Variants in COMMD10 observed in about 807,000 individuals in gnomAD.
COMMD10 encodes the protein COMM domain-containing protein 10.
In COMMD10, 33 loss-of-function variants were observed where a neutral mutation model predicts 28.9. That is an observed-to-expected ratio of 1.14 (90% confidence interval 0.87 to 1.53). COMMD10 has a LOEUF of 1.53. Ranked by LOEUF, COMMD10 falls within the 40% of genes most tolerant of loss-of-function variation. The pLI, the probability that COMMD10 is intolerant of heterozygous loss-of-function variation, is 0.00. For synonymous variants in COMMD10, 110 were observed against 81.7 expected, an observed-to-expected ratio of 1.35 and a Z score of -1.87; for missense variants, 310 against 233.4, an observed-to-expected ratio of 1.33 and a Z score of -2.14.
At chr5:116,247,038 C>G (rs926465776) in intron 5 of COMMD10, among the ~76,000 whole-genome samples, 1 of 150,726 alleles carries the variant, frequency 6.6e-6, no homozygotes, top group South Asian at 2.1e-4. Context: ...AACAGAGAAC[C>G]TAAAGAATGG....
chr5:116,212,900 G>GT (rs1008519430), intron 5 of COMMD10, among the ~76,000 whole-genome samples: 10 of 151,962 alleles, frequency 6.6e-5, no homozygotes, highest in Non-Finnish European at 1.2e-4. Flanking sequence ...ATGTCATGTG[G>GT]TTTTTTGGGT....
intron 5 of COMMD10, among the ~76,000 whole-genome samples, chr5:116,193,138 A>G (rs966590252): frequency 6.6e-6 from 1 of 152,210 alleles, no homozygotes; most frequent in Admixed American, 6.5e-5. Context: ...CCAAGCCACC[A>G]CTACAGGAAC....
At chr5:116,245,282 C>G (rs1236075035) in intron 5 of COMMD10, among the ~76,000 whole-genome samples, 2 of 152,008 alleles carry the variant, frequency 1.3e-5, no homozygotes, top group Non-Finnish European at 2.9e-5. Context: ...GCTACCCTCC[C>G]AAGAGTGAAC....
intron 4 of COMMD10, among the ~76,000 whole-genome samples, chr5:116,128,492 A>G (rs954471287): frequency 6.6e-6 from 1 of 151,682 alleles, no homozygotes; most frequent in East Asian, 1.9e-4. Flanking sequence ...TGATGTACAC[A>G]GGATAGTTTT....
chr5:116,147,563 A>G (rs775784650), intron 5 of COMMD10, among the ~76,000 whole-genome samples: 2 of 151,868 alleles, frequency 1.3e-5, no homozygotes, highest in Non-Finnish European at 2.9e-5. Context: ...ATAGTCAGTA[A>G]CTGCTATTAT....
At chr5:116,124,675 A>C (rs984151590) in intron 4 of COMMD10, among the ~76,000 whole-genome samples, 1 of 152,154 alleles carries the variant, frequency 6.6e-6, no homozygotes, top group Non-Finnish European at 1.5e-5. Flanking sequence ...GGGGTGTTAA[A>C]GTCTCCCATT....
At position 116,292,720 on chromosome 5, in the gene COMMD10, T is replaced by A; in HGVS notation, c.*231T>A. ...GCCAACAGTAATTATTAAGAACACT[T>A]TCCCTTTAAAGGAAACAAAAGTGAA... On this transcript the variant is annotated 3_prime_UTR_variant, in exon 7 of 7. Coordinates refer to ENST00000274458, the MANE Select transcript of COMMD10 (RefSeq NM_016144.4). The A allele has an allele frequency of 2.4e-6, 1 of 418,096 alleles. No homozygotes were observed. 25.9% of individuals were successfully genotyped at this position (418,096 alleles called of 1,614,324 possible).
At chr5:116,108,202 A>G (rs1406643160) in intron 4 of COMMD10, among the ~76,000 whole-genome samples, 2 of 152,176 alleles carry the variant, frequency 1.3e-5, no homozygotes, top group Admixed American at 6.5e-5. Context: ...CTTGAATGCT[A>G]TGCTGGGAGA....
At chr5:116,233,915 A>G (rs114344952) in intron 5 of COMMD10, among the ~76,000 whole-genome samples, 22 of 152,282 alleles carry the variant, frequency 1.4e-4, no homozygotes, top group African/African-American at 5.3e-4. Flanking sequence ...CAAACCTCAA[A>G]ATGTTGAGAG....
intron 5 of COMMD10, among the ~76,000 whole-genome samples, chr5:116,257,504 C>G (rs1028750551): frequency 1.3e-5 from 2 of 151,398 alleles, no homozygotes; most frequent in Non-Finnish European, 2.9e-5. Flanking sequence ...TTTAGCAAAA[C>G]AATAAGACAA....
intron 4 of COMMD10, among the ~76,000 whole-genome samples, chr5:116,102,813 A>G (rs1189594603): frequency 3.3e-5 from 5 of 151,468 alleles, no homozygotes; most frequent in Middle Eastern, 6.8e-3. Context: ...CTATCCCTCC[A>G]CCAGCCCCCC....
rs1368413922 is a variant in COMMD10, at chr5:116,115,229, G to A, written c.400-18839G>A. Reference sequence around the variant, plus strand: ...CAAGTCAAATTCAAGGTTTGGGAGGGTCAAGATACACTCCCATGGCCTGGA... The same window carrying A: ...CAAGTCAAATTCAAGGTTTGGGAGGATCAAGATACACTCCCATGGCCTGGA... On this transcript the variant is annotated intron_variant, in intron 4 of 6. Transcript: ENST00000274458. Among the ~76,000 whole-genome samples, 3 of 152,194 alleles carry A rather than the reference G, an allele frequency of 2.0e-5. No individual in the cohort carries two copies. The East Asian group carries it at 5.8e-4, about 29-fold the overall frequency.
intron 4 of COMMD10, among the ~76,000 whole-genome samples, chr5:116,121,727 G>A (rs13356535): frequency 0.31 from 47,607 of 152,066 alleles, 10,380 homozygotes; most frequent in African/African-American, 0.62. Context: ...TTCTCTGATG[G>A]CCAGTGATGA....
At chr5:116,185,085 A>C (rs1439264493) in intron 5 of COMMD10, among the ~76,000 whole-genome samples, 2 of 152,156 alleles carry the variant, frequency 1.3e-5, no homozygotes, top group African/African-American at 4.8e-5. Flanking sequence ...AACAAGTCCT[A>C]CTGCTAAGTA....
chr5:116,090,283 A>T (rs1750253542), intron 2 of COMMD10, among the ~76,000 whole-genome samples: 1 of 152,086 alleles, frequency 6.6e-6, no homozygotes, highest in Admixed American at 6.6e-5. Context: ...CAATGTGTGG[A>T]GGGTGCTTCT....
chr5:116,224,610 CAG>C (rs1749345561), intron 5 of COMMD10, among the ~76,000 whole-genome samples: 1 of 152,130 alleles, frequency 6.6e-6, no homozygotes, highest in South Asian at 2.1e-4. Context: ...CATATGAACT[CAG>C]AGCGAGAACT....
chr5:116,241,583 C>CTTTCTTATTTAT (rs1554053962), intron 5 of COMMD10, among the ~76,000 whole-genome samples: 4 of 140,448 alleles, frequency 2.8e-5, no homozygotes, highest in African/African-American at 1.0e-4. Flanking sequence ...ACTCTGCTTT[C>CTTTCTTATTTAT]TTATTTATTT....
intron 5 of COMMD10, among the ~76,000 whole-genome samples, chr5:116,240,933 T>A (rs538434682): frequency 9.9e-5 from 15 of 152,126 alleles, no homozygotes; most frequent in Non-Finnish European, 2.2e-4. Flanking sequence ...AGATTAATTT[T>A]CCTCTATGTC....
At chr5:116,273,158 C>T (rs1750803326) in intron 5 of COMMD10, among the ~76,000 whole-genome samples, 1 of 151,866 alleles carries the variant, frequency 6.6e-6, no homozygotes, top group Non-Finnish European at 1.5e-5. Flanking sequence ...TCCTATCCTT[C>T]TTAGTGCCTC....
Sources: allele counts gnomAD v4.1 joint callset (sites outside exome capture counted in the v4.1 genomes callset), GRCh38; gene constraint gnomAD v4.1.1; transcripts MANE v1.5; gene names NCBI Gene and HGNC (gene_info 2026-07-23, HGNC 2026-07-21).